The following EXT2 variants were observed in gnomAD, a reference collection of about 807,000 sequenced individuals.
EXT2 encodes exostosin-2.
A neutral mutation model predicts 81.6 loss-of-function variants in EXT2; 53 were observed. That is an observed-to-expected ratio of 0.65 (90% CI 0.52 to 0.82). EXT2 has a LOEUF of 0.82. Among genes scored for constraint, EXT2 ranks in the 40% least tolerant of loss-of-function variants. The pLI, the probability that EXT2 is intolerant of heterozygous loss-of-function variation, is 0.00. For missense variants in EXT2, 774 were observed against 910.2 expected (o/e 0.85, Z 1.93); for synonymous variants, 320 against 340.0 (o/e 0.94, Z 0.65).
Position 44,234,338 on chromosome 11 carries a change from A to C in EXT2, c.1935+95A>C, listed in dbSNP as rs1955935763. The stretch of plus-strand genomic sequence containing the variant: ...CTTGTAACTATAAATTAAATATAGG[A>C]CTAGATAAACTTTAAGCTCTATTTT... On this transcript the variant is annotated intron_variant, in intron 12 of 13. Transcript: ENST00000533608. The C allele has an allele frequency of 8.2e-6, 10 of 1,224,768 alleles. No homozygotes were observed. The Admixed American group carries it at 2.0e-4, about 24-fold the overall frequency. The allele number at this position is 1,224,768 out of a possible 1,614,324, so 75.9% of individuals were successfully genotyped here. A position where few individuals can be genotyped will look rare whatever the true frequency, so the allele number is the denominator to read the frequency against.
At position 44,198,026 on chromosome 11, in the gene EXT2, G is replaced by A; in HGVS notation, c.1495+8G>A. The A allele has an allele frequency of 2.5e-6, 4 of 1,613,942 alleles. No individual in the cohort carries two copies. Among genetic ancestry groups the A allele is most frequent in the Non-Finnish European group, 3.4e-6 (4 of 1,179,862 alleles). On this transcript the variant is annotated splice_region_variant and intron_variant, in intron 9 of 13. Coordinates refer to ENST00000533608, the MANE Select transcript of EXT2 (RefSeq NM_207122.2). ...ATAAAAACCCTCCAGAAGGTAAGAA[G>A]CCTTAGTGCCTCTCTCAGCTGGATC...
At chr11:44,153,932 T>A (rs1475798793) in intron 7 of EXT2, among the ~76,000 whole-genome samples, 2 of 151,990 alleles carry the variant, frequency 1.3e-5, no homozygotes, top group Non-Finnish European at 2.9e-5. Flanking sequence ...TTGTTTTTTT[T>A]TAGAATTTTT....
intron 7 of EXT2, among the ~76,000 whole-genome samples, chr11:44,163,587 C>G (rs1477247550): frequency 6.6e-6 from 1 of 152,200 alleles, no homozygotes; most frequent in Admixed American, 6.5e-5. Context: ...CTTAGAATCT[C>G]TTTGGAAGTT....
At chr11:44,161,199 A>G (rs1954922883) in intron 7 of EXT2, among the ~76,000 whole-genome samples, 1 of 152,260 alleles carries the variant, frequency 6.6e-6, no homozygotes, top group African/African-American at 2.4e-5. Context: ...GCTTCAACTT[A>G]ACATTTAAGG....
chr11:44,149,804 C>A (rs1472417440), intron 7 of EXT2, among the ~76,000 whole-genome samples: 2 of 152,052 alleles, frequency 1.3e-5, no homozygotes, highest in Non-Finnish European at 2.9e-5. Context: ...TATATATGGG[C>A]CTTTGGGAAT....
At chr11:44,168,513 T>C (rs573464230) in intron 7 of EXT2, among the ~76,000 whole-genome samples, 1 of 152,304 alleles carries the variant, frequency 6.6e-6, no homozygotes, top group South Asian at 2.1e-4. Flanking sequence ...CTCAGTGGGA[T>C]AAATACAAAG....
intron 7 of EXT2, among the ~76,000 whole-genome samples, chr11:44,149,511 T>C (rs910043925): frequency 4.6e-5 from 7 of 152,232 alleles, no homozygotes; most frequent in Admixed American, 1.3e-4. Context: ...CATATAAGCT[T>C]GTAAAGAGCT....
intron 8 of EXT2, among the ~76,000 whole-genome samples, chr11:44,183,773 A>G (rs914391035): frequency 2.0e-5 from 3 of 151,984 alleles, no homozygotes; most frequent in African/African-American, 4.8e-5. Flanking sequence ...TAGAAGTTCT[A>G]TTTGATTATT....
chr11:44,244,268 C>T lies in EXT2; in HGVS notation c.2138C>T (p.Pro713Leu), dbSNP rs2135284245. The change falls in exon 14 of 14, where the codon CCC becomes CTC. Residue 713 changes from proline to leucine, a missense_variant. This residue lies in a region of EXT2 where 148 missense variants were observed against 239.7 expected (regional missense o/e 0.62). Transcript: ENST00000533608. Reference protein sequence around the residue: ...DDFPEKLKSFPNIGSL With the variant: ...DDFPEKLKSFLNIGSL Reference sequence around the variant, plus strand: ...TTTCCTGAGAAGCTGAAGAGCTTCCCCAACATTGGCAGCTTATGAAACGTG... The same window carrying T: ...TTTCCTGAGAAGCTGAAGAGCTTCCTCAACATTGGCAGCTTATGAAACGTG... 1 of 1,614,026 alleles carries T rather than the reference C, an allele frequency of 6.2e-7. No individual in the cohort carries two copies. The highest frequency in any genetic ancestry group is 8.5e-7 in the Non-Finnish European group (1 of 1,179,972).
intron 3 of EXT2, among the ~76,000 whole-genome samples, chr11:44,109,719 AT>A (rs951035313): frequency 2.6e-5 from 4 of 152,088 alleles, no homozygotes; most frequent in African/African-American, 7.2e-5. Flanking sequence ...TGTTGTTTCA[AT>A]CAGTAGGGTT....
intron 7 of EXT2, among the ~76,000 whole-genome samples, chr11:44,155,809 T>C (rs1954848979): frequency 6.6e-6 from 1 of 152,206 alleles, no homozygotes; most frequent in South Asian, 2.1e-4. Flanking sequence ...TGTGTGTGTC[T>C]GTGGACTTGC....
intron 9 of EXT2, among the ~76,000 whole-genome samples, chr11:44,204,381 TTG>T (rs57961591): frequency 1.3e-5 from 2 of 151,008 alleles, no homozygotes; most frequent in Non-Finnish European, 1.5e-5. Flanking sequence ...GACAATGTGT[TTG>T]TGTGTGTGTG....
At chr11:44,126,625 A>G (rs565628537) in intron 5 of EXT2, among the ~76,000 whole-genome samples, 191 bp from the exon 6 acceptor site, 32 of 152,370 alleles carry the variant, frequency 2.1e-4, no homozygotes, top group Non-Finnish European at 1.8e-4. Flanking sequence ...AAATATTAAT[A>G]CAAAACATTG....
Position 44,141,737 on chromosome 11 carries a change from A to C in EXT2, c.1173+11599A>C, listed in dbSNP as rs372472806. 2.6e-4 allele frequency among the ~76,000 whole-genome samples: 39 copies of C among 152,352 alleles called. 1 individual carries two copies. In the East Asian group the frequency reaches 3.9e-3, roughly 15 times the overall value. On this transcript the variant is annotated intron_variant, in intron 7 of 13. Transcript: ENST00000533608. Reference sequence around the variant, plus strand: ...TTAACCATCGGTTTAATCCCTTGTCATGAATCCCCAATATGGGATATTGCT... The same window carrying C: ...TTAACCATCGGTTTAATCCCTTGTCCTGAATCCCCAATATGGGATATTGCT...
Position 44,220,678 on chromosome 11 carries a change from A to G in EXT2, c.1663-11675A>G, listed in dbSNP as rs573805568. On this transcript the variant is annotated intron_variant, in intron 10 of 13. Coordinates refer to ENST00000533608, the MANE Select transcript of EXT2 (RefSeq NM_207122.2). The surrounding 1 kb of genome is among the most constrained non-coding windows in gnomAD (Gnocchi z 4.4). ...GTTTTTCAGCCTGTAGGAGAACTAA[A>G]TAATCTATTAGGTCTGTCCTATCTC... is the stretch of plus-strand genomic sequence containing the variant. Among the ~76,000 whole-genome samples the G allele has an allele frequency of 1.3e-4, 20 of 152,328 alleles. No homozygotes were observed. The highest frequency in any genetic ancestry group is 1.2e-3 in the Admixed American group (19 of 15,312).
Position 44,171,604 on chromosome 11 carries a change from T to C in EXT2, c.1174-7T>C, listed in dbSNP as rs1003209849. On this transcript the variant is annotated splice_region_variant and splice_polypyrimidine_tract_variant and intron_variant, in intron 7 of 13. Transcript: ENST00000533608. ...GCTCACTTAAAACAGCATTATTTTC[T>C]TTATAGGCCCGGTGGTTCTGGGAAG... 6.2e-7 allele frequency: 1 copy of C among 1,614,076 alleles called. No homozygotes were observed. The highest frequency in any genetic ancestry group is 1.3e-5 in the African/African-American group (1 of 74,944).
intron 10 of EXT2, among the ~76,000 whole-genome samples, chr11:44,218,052 T>A (rs886295435): frequency 2.6e-5 from 4 of 152,172 alleles, no homozygotes; most frequent in Non-Finnish European, 4.4e-5. Flanking sequence ...ATATTGATGC[T>A]CTCCCTTTTA....
At position 44,114,247 on chromosome 11, in the gene EXT2, T is replaced by C. The variant is rs1234145529; in HGVS notation, c.689T>C (p.Ile230Thr). ...WTYRQGYDVS[I>T]PVYSPLSAEV... ...TACCGGCAAGGCTACGATGTCAGCA[T>C]TCCTGTCTATAGTCCACTGTCAGCT... Residue 230 changes from isoleucine to threonine, a missense_variant, in exon 4 of 14, where the codon ATT becomes ACT. Around this residue, in one of 2 missense-constraint regions of EXT2, gnomAD observed 626 missense variants for 670.5 expected, o/e 0.93. Coordinates refer to ENST00000533608, the MANE Select transcript of EXT2 (RefSeq NM_207122.2). The C allele has an allele frequency of 6.2e-7, 1 of 1,614,014 alleles. No homozygotes were observed. Among genetic ancestry groups the C allele is most frequent in the East Asian group, 2.2e-5 (1 of 44,890 alleles).
At chr11:44,174,152 A>G (rs150011543) in intron 8 of EXT2, among the ~76,000 whole-genome samples, 2 of 152,320 alleles carry the variant, frequency 1.3e-5, no homozygotes, top group East Asian at 3.9e-4. Flanking sequence ...GTATTTTTCA[A>G]GGGAAAGACT....
Sources: allele counts gnomAD v4.1 joint callset (sites outside exome capture counted in the v4.1 genomes callset), GRCh38; gene constraint gnomAD v4.1.1; regional missense constraint gnomAD v4.1.1; non-coding constraint Gnocchi (gnomAD v3.1); transcripts MANE v1.5; gene names NCBI Gene and HGNC (gene_info 2026-07-23, HGNC 2026-07-21).